The following MNAT1 variants were observed in gnomAD, a reference collection of about 807,000 sequenced individuals.
MNAT1 encodes the protein CDK-activating kinase assembly factor MAT1.
A neutral mutation model predicts 42.0 loss-of-function variants in MNAT1; 43 were observed. The observed-to-expected ratio is 1.02, with a 90% CI of 0.80 to 1.32. The LOEUF (loss-of-function observed/expected upper bound fraction) is 1.32, where lower values mean the gene tolerates loss of function less well. Ranked by LOEUF, MNAT1 falls within the 40% of genes most tolerant of loss-of-function variation. MNAT1 has a pLI of 0.00. For missense variants in MNAT1, 306 were observed against 350.4 expected (o/e 0.87, Z 1.01); for synonymous variants, 118 against 120.0 (o/e 0.98, Z 0.11).
chr14:60,735,283 G>C (rs1003858683), intron 1 of MNAT1, among the ~76,000 whole-genome samples: 2 of 152,280 alleles, frequency 1.3e-5, no homozygotes, highest in Non-Finnish European at 1.5e-5. Context: ...GTGGGGGATT[G>C]GAGTGTTTAT....
At chr14:60,738,684 C>T (rs923274252) in intron 1 of MNAT1, among the ~76,000 whole-genome samples, 6 of 152,012 alleles carry the variant, frequency 3.9e-5, no homozygotes, top group African/African-American at 1.2e-4. Flanking sequence ...TACAGACATG[C>T]GCCACTACCT....
intron 7 of MNAT1, among the ~76,000 whole-genome samples, chr14:60,887,376 C>G (rs1219696094): frequency 7.0e-6 from 1 of 142,984 alleles, no homozygotes; most frequent in Non-Finnish European, 1.5e-5. Context: ...TCTCCTAATG[C>G]TATCCCTCCC....
In MNAT1 at chr14:60,798,087, A is replaced by T; in HGVS notation, c.243A>T (p.Ile81=). 1 of 1,354,432 alleles carries T rather than the reference A, an allele frequency of 7.4e-7. No individual in the cohort carries two copies. The highest frequency in any genetic ancestry group is 1.0e-6 in the Non-Finnish European group (1 of 954,564). The allele number at this position is 1,354,432 out of a possible 1,614,324, so 83.9% of individuals were successfully genotyped here. A position where few individuals can be genotyped will look rare whatever the true frequency, so the allele number is the denominator to read the frequency against. The change falls in exon 3 of 8, where the codon ATA becomes ATT. Residue 81 remains isoleucine (I), a splice_region_variant and synonymous_variant. Transcript: ENST00000261245. ...EVEIRKKVLK[I]YNKREEDFPS... ...AGATTTCTTTTTTCTTTTCTTAAAGATACAATAAAAGGGAAGAAGATTTTC... is the reference window on the plus strand; with the variant it reads ...AGATTTCTTTTTTCTTTTCTTAAAGTTACAATAAAAGGGAAGAAGATTTTC...
intron 7 of MNAT1, among the ~76,000 whole-genome samples, chr14:60,910,259 G>T (rs1308230822): frequency 1.3e-5 from 2 of 152,148 alleles, no homozygotes; most frequent in African/African-American, 4.8e-5. Flanking sequence ...ATACAATCAT[G>T]TCATCTGCAA....
intron 6 of MNAT1, among the ~76,000 whole-genome samples, chr14:60,844,257 C>T (rs1265966726): frequency 6.6e-6 from 1 of 152,038 alleles, no homozygotes; most frequent in East Asian, 1.9e-4. Context: ...TCAGTTTTTA[C>T]AAAAATTCTT....
chr14:60,946,067 C>T (rs2036268651), intron 7 of MNAT1, among the ~76,000 whole-genome samples: 1 of 152,186 alleles, frequency 6.6e-6, no homozygotes, highest in Non-Finnish European at 1.5e-5. Flanking sequence ...AGTCCCACCA[C>T]CTGTGTTCCA....
At chr14:60,813,234 C>CT (rs2032609967) in intron 5 of MNAT1, among the ~76,000 whole-genome samples, 1 of 152,182 alleles carries the variant, frequency 6.6e-6, no homozygotes, top group Admixed American at 6.5e-5. Context: ...CACTTGCTTG[C>CT]TTGTGTCTGG....
chr14:60,882,270 C>T (rs2034567974), intron 7 of MNAT1, among the ~76,000 whole-genome samples: 1 of 152,138 alleles, frequency 6.6e-6, no homozygotes, highest in South Asian at 2.1e-4. Flanking sequence ...CCTCTGGTGA[C>T]CTTCCTTCTA....
At chr14:60,886,791 C>A (rs963353046) in intron 7 of MNAT1, among the ~76,000 whole-genome samples, 1 of 151,874 alleles carries the variant, frequency 6.6e-6, no homozygotes, top group Non-Finnish European at 1.5e-5. Flanking sequence ...TGATTTTGTA[C>A]ATATAGGATC....
At chr14:60,820,210 C>T (rs1225059791) in intron 6 of MNAT1, among the ~76,000 whole-genome samples, 1 of 152,138 alleles carries the variant, frequency 6.6e-6, no homozygotes, top group South Asian at 2.1e-4. Context: ...TCAGATGACA[C>T]AATGTAGCTA....
intron 7 of MNAT1, among the ~76,000 whole-genome samples, chr14:60,883,506 A>G (rs967348088): frequency 2.6e-5 from 4 of 152,002 alleles, no homozygotes; most frequent in Non-Finnish European, 5.9e-5. Flanking sequence ...GTCAGGTAAT[A>G]TAATTCCTGA....
intron 5 of MNAT1, among the ~76,000 whole-genome samples, chr14:60,818,465 T>C (rs766749067): frequency 2.6e-5 from 4 of 152,044 alleles, no homozygotes; most frequent in African/African-American, 4.8e-5. Flanking sequence ...ATAAATGTGG[T>C]TGGTTTGCTA....
At chr14:60,914,396 T>A (rs2035465491) in intron 7 of MNAT1, among the ~76,000 whole-genome samples, 1 of 152,176 alleles carries the variant, frequency 6.6e-6, no homozygotes, top group African/African-American at 2.4e-5. Context: ...AATGCAGAAA[T>A]CACCTGTCTT....
At chr14:60,851,005 T>G (rs1201404036) in intron 6 of MNAT1, among the ~76,000 whole-genome samples, 2 of 152,210 alleles carry the variant, frequency 1.3e-5, no homozygotes, top group African/African-American at 4.8e-5. Context: ...AAAGGATAAT[T>G]GCATTTTCCA....
rs548677220 is a variant in MNAT1 at position 60,847,099 on chromosome 14, T to C, written c.687+28252T>C. Among the ~76,000 whole-genome samples, 3 of 152,328 alleles carry C rather than the reference T, an allele frequency of 2.0e-5. No homozygotes were observed. In the East Asian group the frequency reaches 5.8e-4, roughly 29 times the overall value. On this transcript the variant is annotated intron_variant, in intron 6 of 7. Coordinates refer to ENST00000261245, the MANE Select transcript of MNAT1 (RefSeq NM_002431.4). ...ATGCTTTTGTCTCTAGTAACAGTTT[T>C]TGTCTTAAAGACTTGTTTTATTTGC...
At chr14:60,954,934 C>T (rs1183155656) in intron 7 of MNAT1, among the ~76,000 whole-genome samples, 6 of 151,864 alleles carry the variant, frequency 4.0e-5, no homozygotes, top group African/African-American at 4.8e-5. Context: ...CATGAAAGGA[C>T]GTTGAATTTT....
Position 60,818,776 on chromosome 14 carries a change from A to C in MNAT1, c.616A>C (p.Thr206Pro), listed in dbSNP as rs1164154910. 1 of 1,612,752 alleles carries C rather than the reference A, an allele frequency of 6.2e-7. No individual in the cohort carries two copies. The highest frequency in any genetic ancestry group is 1.3e-5 in the African/African-American group (1 of 74,900). Residue 206 changes from threonine to proline, a missense_variant, in exon 6 of 8, where the codon ACC becomes CCC. By Grantham distance (38) the Thr-to-Pro change is conservative. This residue lies in a region of MNAT1 where 116 missense variants were observed against 139.6 expected (regional missense o/e 0.83). Coordinates refer to ENST00000261245, the MANE Select transcript of MNAT1 (RefSeq NM_002431.4). ...LLLAQHKDRS[T>P]QLEMQLEKPK... ...TTTGGCTCAGCATAAAGATAGATCTACCCAATTAGAAATGCAACTTGAGAA... is the reference window on the plus strand; with the variant it reads ...TTTGGCTCAGCATAAAGATAGATCTCCCCAATTAGAAATGCAACTTGAGAA...
intron 7 of MNAT1, among the ~76,000 whole-genome samples, chr14:60,908,353 G>A (rs1048890753): frequency 2.0e-5 from 3 of 151,462 alleles, no homozygotes; most frequent in African/African-American, 7.3e-5. Context: ...TAAGTTTTAC[G>A]GTATATGTGT....
chr14:60,889,213 C>G (rs1448705641), intron 7 of MNAT1, among the ~76,000 whole-genome samples: 1 of 152,166 alleles, frequency 6.6e-6, no homozygotes, highest in African/African-American at 2.4e-5. Context: ...TACAAGGCTA[C>G]AGTAACCAAA....
Sources: gnomAD v4.1 joint callset for allele counts (sites outside exome capture counted in the v4.1 genomes callset) on GRCh38, gnomAD v4.1.1 for gene constraint, gnomAD v4.1.1 regional missense constraint, MANE v1.5 for transcripts, NCBI Gene and HGNC (gene_info 2026-07-23, HGNC 2026-07-21) for gene names.